Variants in ALDH5A1 observed in about 807,000 individuals in gnomAD.
ALDH5A1 encodes the protein succinate-semialdehyde dehydrogenase, mitochondrial.
ALDH5A1 carries 33 observed loss-of-function variants against 54.7 expected under a neutral mutation model. That is an observed-to-expected ratio of 0.60 (90% CI 0.46 to 0.81). ALDH5A1 has a LOEUF of 0.81. Among genes scored for constraint, ALDH5A1 ranks in the 30% least tolerant of loss-of-function variants. The pLI, the probability that ALDH5A1 is intolerant of heterozygous loss-of-function variation, is 0.00. For missense variants in ALDH5A1, 657 were observed against 711.0 expected, an observed-to-expected ratio of 0.92 and a Z score of 0.86; for synonymous variants, 294 against 292.7, an observed-to-expected ratio of 1.00 and a Z score of -0.05.
intron 5 of ALDH5A1, among the ~76,000 whole-genome samples, chr6:24,520,127 C>A (rs183246688): frequency 3.4e-4 from 52 of 152,106 alleles, no homozygotes; most frequent in African/African-American, 1.1e-3. Flanking sequence ...TGGTCTGGAA[C>A]CCCTGGCCTC....
chr6:24,518,122 CCT>C lies in ALDH5A1; in HGVS notation c.871-2275_871-2274del, dbSNP rs1199702206. ...CAGGGCCTTTTCCTCTAGGAATTCC[CCT>C]CTCCTTCACTAGAGAAGAGAGAGAG... On this transcript the variant is annotated intron_variant, in intron 5 of 9. Transcript: ENST00000357578. This position sits in a 1 kb window ranked among gnomAD's most constrained non-coding sequence, Gnocchi z 4.2. Among the ~76,000 whole-genome samples the C allele has an allele frequency of 6.6e-6, 1 of 152,174 alleles. No individual in the cohort carries two copies. Among genetic ancestry groups the C allele is most frequent in the Non-Finnish European group, 1.5e-5 (1 of 68,024 alleles).
At chr6:24,501,891 ATATATGTGTG>A (rs1174059328) in intron 1 of ALDH5A1, among the ~76,000 whole-genome samples, 1 of 116,988 alleles carries the variant, frequency 8.5e-6, no homozygotes, top group Non-Finnish European at 1.9e-5. Context: ...ATATATATAT[ATATATGTGTG>A]TGTGTGTGTG....
At chr6:24,506,573 C>T (rs576880077) in intron 4 of ALDH5A1, among the ~76,000 whole-genome samples, 2 of 152,190 alleles carry the variant, frequency 1.3e-5, no homozygotes, top group East Asian at 3.9e-4. Flanking sequence ...TCTAAAGACT[C>T]AGGAAATGAC....
chr6:24,526,876 C>CTCTA lies in ALDH5A1; in HGVS notation c.1174-1120_1174-1119insCTAT, dbSNP rs772429219. ...TATATATTCTATATATATATATCTT[C>CTCTA]TATATATATATTCTATATATATATC... On this transcript the variant is annotated intron_variant, in intron 7 of 9. Transcript: ENST00000357578. Among the ~76,000 whole-genome samples the CTCTA allele has an allele frequency of 9.8e-4, 119 of 121,872 alleles. 2 individuals carry two copies. The highest frequency in any genetic ancestry group is 2.5e-3 in the African/African-American group (68 of 26,956). The allele number at this position is 121,872 out of a possible 152,430, so 80.0% of individuals were successfully genotyped here. A position where few individuals can be genotyped will look rare whatever the true frequency, so the allele number is the denominator to read the frequency against.
In ALDH5A1 at chr6:24,532,122, C is replaced by T. The variant is rs192771358; in HGVS notation, c.1347C>T (p.Phe449=). 1.9e-5 allele frequency: 31 copies of T among 1,614,044 alleles called. No homozygotes were observed. Among genetic ancestry groups the T allele is most frequent in the Non-Finnish European group, 2.5e-5 (29 of 1,179,946 alleles). Residue 449 remains phenylalanine, a synonymous_variant, in exon 9 of 10, where the codon TTC becomes TTT. Transcript: ENST00000357578. The stretch of plus-strand genomic sequence containing the variant: ...TGACCTATCTTAACTTTGGCAGGTT[C>T]GATACAGAGGAGGAGGCTATAGCAA... ...TFGPLAPVIK[F]DTEEEAIAIA...
At chr6:24,530,585 A>AAAGGGTTG (rs1313927719) in intron 8 of ALDH5A1, among the ~76,000 whole-genome samples, 2 of 152,336 alleles carry the variant, frequency 1.3e-5, no homozygotes, top group East Asian at 3.9e-4. Context: ...TTTGGAGGGC[A>AAAGGGTTG]AAGGGTTGAG....
chr6:24,508,386 A>AAAAAAAAAAAAAAAAAAAT (rs1759400651), intron 4 of ALDH5A1, among the ~76,000 whole-genome samples: 1 of 52,410 alleles, frequency 1.9e-5, no homozygotes, highest in African/African-American at 5.8e-5. Flanking sequence ...AAAAAAAAAA[A>AAAAAAAAAAAAAAAAAAAT]AAGATTAATA....
chr6:24,532,283 T>C (rs1759951424), intron 9 of ALDH5A1, 106 bp downstream of exon 9: 1 of 1,120,550 alleles, frequency 8.9e-7, no homozygotes, highest in Admixed American at 1.9e-5. Context: ...GAAACTTCAA[T>C]GAGGTATGTG....
intron 3 of ALDH5A1, 126 bp downstream of exon 3, chr6:24,503,559 A>C: frequency 8.7e-7 from 1 of 1,153,002 alleles, no homozygotes; most frequent in Non-Finnish European, 1.2e-6. Flanking sequence ...TGGTTTCCTG[A>C]TGCTTTTGCT....
intron 9 of ALDH5A1, among the ~76,000 whole-genome samples, chr6:24,533,131 T>C (rs1759966349): frequency 6.6e-6 from 1 of 152,188 alleles, no homozygotes; most frequent in African/African-American, 2.4e-5. Context: ...GAAATGTTGA[T>C]TGAAACTACT....
At chr6:24,532,888 C>G (rs968585719) in intron 9 of ALDH5A1, among the ~76,000 whole-genome samples, 2 of 152,112 alleles carry the variant, frequency 1.3e-5, no homozygotes, top group African/African-American at 4.8e-5. Context: ...GTTTATAACA[C>G]TGAGTTCAGC....
intron 7 of ALDH5A1, among the ~76,000 whole-genome samples, chr6:24,526,994 A>C (rs1488491602): frequency 4.0e-5 from 5 of 125,270 alleles, no homozygotes; most frequent in African/African-American, 1.0e-4. Flanking sequence ...ATATATATAT[A>C]TATATATATA....
Position 24,501,939 on chromosome 6 carries a change from G to GTGTA in ALDH5A1, c.355-583_355-582insGTAT, listed in dbSNP as rs1165705404. ...GGTGTATATATATATGTGTGTGTGT[G>GTGTA]TATATATATATGTGTATGTGTGTAT... On this transcript the variant is annotated intron_variant, in intron 1 of 9. Coordinates refer to ENST00000357578, the MANE Select transcript of ALDH5A1 (RefSeq NM_001080.3). Among the ~76,000 whole-genome samples the GTGTA allele has an allele frequency of 4.0e-5, 5 of 125,680 alleles. 1 individual carries two copies. Among genetic ancestry groups the GTGTA allele is most frequent in the African/African-American group, 1.1e-4 (3 of 27,810 alleles). The allele number at this position is 125,680 out of a possible 152,430, so 82.5% of individuals were successfully genotyped here.
chr6:24,515,725 A>G (rs1759559104), intron 5 of ALDH5A1, among the ~76,000 whole-genome samples: 1 of 152,168 alleles, frequency 6.6e-6, no homozygotes. Flanking sequence ...TGTTTCAAAA[A>G]AAAGGTCTGT....
At chr6:24,495,431 C>G (rs1764679623) in intron 1 of ALDH5A1, 81 bp downstream of exon 1, 4 of 1,364,936 alleles carry the variant, frequency 2.9e-6, no homozygotes, top group East Asian at 2.7e-5. Context: ...CAAAGTGACA[C>G]CAGCCGCGTC....
At chr6:24,502,468 TTC>T (rs1759213382) in intron 1 of ALDH5A1, 53 bp from the exon 2 acceptor site, 2 of 1,297,798 alleles carry the variant, frequency 1.5e-6, no homozygotes, top group Non-Finnish European at 2.2e-6. Context: ...TTATTTAGCA[TTC>T]TGTCTTACAC....
At position 24,502,574 on chromosome 6, in the gene ALDH5A1, G is replaced by A; in HGVS notation, c.406G>A (p.Asp136Asn). ...GTACAATTTAATGATACAAAATAAGGATGACCTTGCCAGAATAATCACAGC... is the reference window on the plus strand; with the variant it reads ...GTACAATTTAATGATACAAAATAAGAATGACCTTGCCAGAATAATCACAGC... ...KWYNLMIQNK[D>N]DLARIITAES... is the part of the protein sequence containing the mutation. The change falls in exon 2 of 10, where the codon GAT (aspartate) becomes AAT (asparagine). Residue 136 changes from aspartate to asparagine, a missense_variant. Transcript: ENST00000357578. The A allele has an allele frequency of 6.2e-7, 1 of 1,613,716 alleles. No homozygotes were observed. Among genetic ancestry groups the A allele is most frequent in the Non-Finnish European group, 8.5e-7 (1 of 1,179,682 alleles).
chr6:24,506,960 C>G (rs1297790061), intron 4 of ALDH5A1, among the ~76,000 whole-genome samples: 4 of 152,180 alleles, frequency 2.6e-5, no homozygotes, highest in African/African-American at 9.6e-5. Flanking sequence ...TTTTCTGTTT[C>G]AGGATCTGGT....
chr6:24,527,904 A>T, intron 7 of ALDH5A1, 93 bp from the exon 8 acceptor site: 1 of 871,060 alleles, frequency 1.1e-6, no homozygotes, highest in South Asian at 1.7e-5. Flanking sequence ...TTTGAAAAAG[A>T]AAAAAAAATG....
Sources: gnomAD v4.1 joint callset for allele counts (sites outside exome capture counted in the v4.1 genomes callset) on GRCh38, gnomAD v4.1.1 for gene constraint, Gnocchi (gnomAD v3.1) non-coding constraint, MANE v1.5 for transcripts, NCBI Gene and HGNC (gene_info 2026-07-23, HGNC 2026-07-21) for gene names.